UGT1A5: variants seen among roughly 807,000 people sequenced by gnomAD.
The protein encoded by UGT1A5 is UDP glucuronosyltransferase family 1 member A5.
A neutral mutation model predicts 40.3 loss-of-function variants in UGT1A5; 29 were observed. The observed-to-expected ratio is 0.72, with a 90% CI of 0.54 to 0.98. The LOEUF (loss-of-function observed/expected upper bound fraction) is 0.98, where lower values mean the gene tolerates loss of function less well. UGT1A5 is among the 50% of genes least tolerant of loss of function. The probability of loss-of-function intolerance (pLI) is 0.00; values close to 1 mark genes in which losing one functional copy is unlikely to be tolerated. For missense variants in UGT1A5, 678 were observed against 677.9 expected (o/e 1.00, Z 0.00); for synonymous variants, 257 against 262.5 (o/e 0.98, Z 0.20).
In UGT1A5 at chr2:233,739,453, T is replaced by C. The variant is rs547322370; in HGVS notation, c.867+25595T>C. On this transcript the variant is annotated intron_variant, in intron 1 of 4. Transcript: ENST00000373414. ...GGCTTTACCCTGCAAAGCCACAGGG[T>C]TGGAGCTGCCTGAGACCGTGGGAGC... 3.9e-5 allele frequency among the ~76,000 whole-genome samples: 6 copies of C among 152,290 alleles called. No homozygotes were observed. The East Asian group carries it at 5.8e-4, about 15-fold the overall frequency.
At chr2:233,736,786 G>A (rs774557184) in intron 1 of UGT1A5, among the ~76,000 whole-genome samples, 1 of 152,166 alleles carries the variant, frequency 6.6e-6, no homozygotes, top group Non-Finnish European at 1.5e-5. Context: ...CTCAGCTGCA[G>A]GTCTGTTGGA....
intron 1 of UGT1A5, chr2:233,761,293 G>T (rs1697736724): frequency 6.6e-7 from 1 of 1,522,496 alleles, no homozygotes; most frequent in African/African-American, 1.4e-5. Context: ...TTGACTCCTA[G>T]GTTTGAGTCT....
intron 1 of UGT1A5, among the ~76,000 whole-genome samples, chr2:233,763,888 CT>C (rs1451970704): frequency 2.0e-5 from 3 of 152,126 alleles, no homozygotes; most frequent in Non-Finnish European, 1.5e-5. Flanking sequence ...AGAAAAATAA[CT>C]AAACAGAAGA....
At chr2:233,748,210 C>T in intron 1 of UGT1A5, 1 of 1,497,674 alleles carries the variant, frequency 6.7e-7, no homozygotes, top group Non-Finnish European at 9.0e-7. Flanking sequence ...TAATAGCCTT[C>T]AGTGAGATAA....
chr2:233,717,042 C>T (rs1248182808), intron 1 of UGT1A5, among the ~76,000 whole-genome samples: 1 of 152,164 alleles, frequency 6.6e-6, no homozygotes, highest in African/African-American at 2.4e-5. Context: ...GATACATGGG[C>T]CTCCGCAGGG....
At chr2:233,727,849 C>T (rs1182266870) in intron 1 of UGT1A5, among the ~76,000 whole-genome samples, 2 of 152,218 alleles carry the variant, frequency 1.3e-5, no homozygotes, top group Admixed American at 6.5e-5. Flanking sequence ...GGAGTAATTT[C>T]CTCCCTAAGG....
At chr2:233,722,022 T>C (rs2076987174) in intron 1 of UGT1A5, 2 of 248,590 alleles carry the variant, frequency 8.0e-6, no homozygotes, top group Non-Finnish European at 1.6e-5. Flanking sequence ...AACTGAAACC[T>C]CTTGAATTGC....
In UGT1A5 at chr2:233,772,242, G is replaced by A. The variant is rs762612938; in HGVS notation, c.1308-20G>A. ...ATACCACAGGTGTTCCAGGCATAAC[G>A]AAACTGTCTTTGTGTTTAGTTACAA... On this transcript the variant is annotated intron_variant, in intron 4 of 4. Transcript: ENST00000373414. 5.6e-6 allele frequency: 9 copies of A among 1,614,002 alleles called. No individual in the cohort carries two copies. Among genetic ancestry groups the A allele is most frequent in the East Asian group, 4.5e-5 (2 of 44,900 alleles).
intron 1 of UGT1A5, chr2:233,747,495 G>A (rs1693698744): frequency 6.2e-7 from 1 of 1,608,584 alleles, no homozygotes; most frequent in African/African-American, 1.3e-5. Flanking sequence ...CCTTGTGCTG[G>A]GCCACACTCA....
At chr2:233,743,501 G>T (rs1559387094) in intron 1 of UGT1A5, 1 of 1,367,188 alleles carries the variant, frequency 7.3e-7, no homozygotes, top group Non-Finnish European at 9.8e-7. Flanking sequence ...GAGAAAAGGG[G>T]TGCAGACGCT....
intron 1 of UGT1A5, among the ~76,000 whole-genome samples, chr2:233,746,060 G>A (rs1011902873): frequency 4.0e-5 from 6 of 151,770 alleles, no homozygotes; most frequent in Admixed American, 3.9e-4. Flanking sequence ...GGTCTAGAAC[G>A]AAAAGAGAAG....
At chr2:233,760,982 C>T (rs147640261) in intron 1 of UGT1A5, 5 of 1,614,220 alleles carry the variant, frequency 3.1e-6, no homozygotes, top group Non-Finnish European at 4.2e-6. Flanking sequence ...CCGTATGCAA[C>T]CCTTGCCTCA....
chr2:233,747,207 T>A, intron 1 of UGT1A5: 1 of 1,605,232 alleles, frequency 6.2e-7, no homozygotes, highest in Non-Finnish European at 8.5e-7. Context: ...CCGTGTCTTC[T>A]GCTGAGATGG....
intron 1 of UGT1A5, chr2:233,760,840 C>T: frequency 6.2e-7 from 1 of 1,613,860 alleles, no homozygotes; most frequent in Non-Finnish European, 8.5e-7. Context: ...TGAGGCTACC[C>T]AGTGCCCCAA....
At position 233,713,649 on chromosome 2, in the gene UGT1A5, C is replaced by T; in HGVS notation, c.658C>T (p.Leu220=). 3.7e-6 allele frequency: 6 copies of T among 1,613,990 alleles called. No individual in the cohort carries two copies. Among genetic ancestry groups the T allele is most frequent in the Non-Finnish European group, 5.1e-6 (6 of 1,179,866 alleles). ...RVKNMLYPLA[L]SYLCHAVSAP... is the part of the protein sequence containing the mutation. ...CAAGAACATGCTCTACCCTCTGGCC[C>T]TGTCCTACCTTTGCCATGCTGTTTC... The change falls in exon 1 of 5, where the codon CTG becomes TTG. Residue 220 remains leucine (L), a synonymous_variant. Coordinates refer to ENST00000373414, the MANE Select transcript of UGT1A5 (RefSeq NM_019078.2).
intron 1 of UGT1A5, chr2:233,748,089 C>G (rs17863798): frequency 2.3e-5 from 37 of 1,612,724 alleles, no homozygotes; most frequent in Non-Finnish European, 2.8e-5. Flanking sequence ...GGTCGGTGTT[C>G]GTGCCTTCAT....
chr2:233,748,129 T>C, intron 1 of UGT1A5: 1 of 1,610,122 alleles, frequency 6.2e-7, no homozygotes, highest in Non-Finnish European at 8.5e-7. Flanking sequence ...AAACAGTTTT[T>C]AAAAATTGTA....
In UGT1A5 at chr2:233,756,536, G is replaced by A. The variant is rs1381058944; in HGVS notation, c.868-10498G>A. Reference sequence around the variant, plus strand: ...AATGTGCATGTTATTCACTTTTCTTGACTGCTAAAACAACCAGGGAGATCC... The same window carrying A: ...AATGTGCATGTTATTCACTTTTCTTAACTGCTAAAACAACCAGGGAGATCC... On this transcript the variant is annotated intron_variant, in intron 1 of 4. Coordinates refer to ENST00000373414, the MANE Select transcript of UGT1A5 (RefSeq NM_019078.2). 2.0e-5 allele frequency among the ~76,000 whole-genome samples: 3 copies of A among 151,924 alleles called. No individual in the cohort carries two copies. The East Asian group carries it at 5.8e-4, about 29-fold the overall frequency.
intron 1 of UGT1A5, among the ~76,000 whole-genome samples, chr2:233,727,119 T>C (rs1478640841): frequency 6.6e-6 from 1 of 152,204 alleles, no homozygotes; most frequent in Non-Finnish European, 1.5e-5. Flanking sequence ...GTCTGTGAGA[T>C]TGGCAGAGGG....
Sources: allele counts gnomAD v4.1 joint callset (sites outside exome capture counted in the v4.1 genomes callset), GRCh38; gene constraint gnomAD v4.1.1; transcripts MANE v1.5; gene names NCBI Gene and HGNC (gene_info 2026-07-23, HGNC 2026-07-21).